Variants in DCLK1 observed in about 807,000 individuals in gnomAD.
DCLK1 encodes doublecortin like kinase 1.
In DCLK1, 16 loss-of-function variants were observed where a neutral mutation model predicts 86.2. The ratio of observed to expected loss-of-function variants is 0.19; its 90% CI spans 0.13 to 0.28. The LOEUF (loss-of-function observed/expected upper bound fraction) is 0.28, where lower values mean the gene tolerates loss of function less well. Ranked by LOEUF, DCLK1 falls within the 10% of genes least tolerant of loss-of-function variation. DCLK1 has a pLI of 1.00. For synonymous variants in DCLK1, 369 were observed against 370.5 expected, an observed-to-expected ratio of 1.00 and a Z score of 0.05; for missense variants, 590 against 940.2, an observed-to-expected ratio of 0.63 and a Z score of 4.87.
At chr13:36,117,218 T>A (rs752936946) in intron 2 of DCLK1, among the ~76,000 whole-genome samples, 2 of 152,190 alleles carry the variant, frequency 1.3e-5, no homozygotes, top group African/African-American at 2.4e-5. Flanking sequence ...GAGACTCTTT[T>A]ACTTATTTCT....
intron 4 of DCLK1, among the ~76,000 whole-genome samples, chr13:35,918,081 A>G (rs1042762775): frequency 6.6e-6 from 1 of 152,240 alleles, no homozygotes; most frequent in African/African-American, 2.4e-5. Context: ...CTTAACAGGC[A>G]TACTAAGATG....
At chr13:36,061,360 T>G (rs1002902141) in intron 3 of DCLK1, among the ~76,000 whole-genome samples, 4 of 152,142 alleles carry the variant, frequency 2.6e-5, no homozygotes, top group Non-Finnish European at 5.9e-5. Context: ...TAAGTAAAAA[T>G]AAAGTATCTA....
chr13:35,994,025 T>A (rs1221699788), intron 3 of DCLK1, among the ~76,000 whole-genome samples: 2 of 151,792 alleles, frequency 1.3e-5, no homozygotes, highest in East Asian at 3.9e-4. Flanking sequence ...TTCTCTCATC[T>A]GCAAAACATC....
chr13:35,879,396 G>C (rs1488574421), intron 4 of DCLK1, among the ~76,000 whole-genome samples: 1 of 152,186 alleles, frequency 6.6e-6, no homozygotes, highest in Non-Finnish European at 1.5e-5. Flanking sequence ...TTATGGCACT[G>C]GGATTTTCTG....
At chr13:35,932,329 T>C (rs1393671227) in intron 4 of DCLK1, among the ~76,000 whole-genome samples, 9 of 152,186 alleles carry the variant, frequency 5.9e-5, no homozygotes, top group Non-Finnish European at 2.9e-5. Context: ...CTTTCCTGGG[T>C]CACCAGCTTA....
At chr13:36,074,965 T>C (rs537438592) in intron 3 of DCLK1, among the ~76,000 whole-genome samples, 26 of 152,234 alleles carry the variant, frequency 1.7e-4, no homozygotes, top group Non-Finnish European at 3.7e-4. Context: ...AGAAGGTAAC[T>C]CTATTCTTAC....
At chr13:35,808,732 G>A (rs557155052) in intron 13 of DCLK1, among the ~76,000 whole-genome samples, 2 of 151,972 alleles carry the variant, frequency 1.3e-5, no homozygotes, top group East Asian at 3.9e-4. Flanking sequence ...GCAGTGAGCT[G>A]AGACTGTGCC....
chr13:35,952,449 C>T (rs1033540117), intron 3 of DCLK1, among the ~76,000 whole-genome samples: 17 of 152,290 alleles, frequency 1.1e-4, no homozygotes, highest in African/African-American at 3.9e-4. Flanking sequence ...TAGGCTTCCA[C>T]AGAATGATGC....
intron 4 of DCLK1, among the ~76,000 whole-genome samples, chr13:35,878,310 C>T (rs1396427711): frequency 6.6e-6 from 1 of 152,154 alleles, no homozygotes; most frequent in Non-Finnish European, 1.5e-5. Context: ...AAAGGATGGG[C>T]CTGCATCTAG....
At chr13:35,949,011 C>G (rs1165983842) in intron 3 of DCLK1, among the ~76,000 whole-genome samples, 1 of 152,064 alleles carries the variant, frequency 6.6e-6, no homozygotes, top group Non-Finnish European at 1.5e-5. Flanking sequence ...CAATCAACCC[C>G]CTATGGCCAT....
At chr13:35,788,297 G>A (rs770219405) in intron 16 of DCLK1, 2 of 1,613,578 alleles carry the variant, frequency 1.2e-6, no homozygotes, top group South Asian at 2.2e-5. Context: ...TGAGCAGAGA[G>A]AAATGGGGCA....
chr13:36,021,229 C>A (rs1881763152), intron 3 of DCLK1, among the ~76,000 whole-genome samples: 1 of 89,384 alleles, frequency 1.1e-5, no homozygotes, highest in Admixed American at 1.5e-4. Flanking sequence ...TCGGGATAGC[C>A]ACTATAAAAA....
At chr13:36,025,939 T>C (rs1339869517) in intron 3 of DCLK1, among the ~76,000 whole-genome samples, 1 of 152,126 alleles carries the variant, frequency 6.6e-6, no homozygotes, top group African/African-American at 2.4e-5. Context: ...CAGAGATAAT[T>C]AGGACTTGAT....
At chr13:35,799,347 G>C (rs1327294684) in intron 15 of DCLK1, among the ~76,000 whole-genome samples, 1 of 152,174 alleles carries the variant, frequency 6.6e-6, no homozygotes, top group Non-Finnish European at 1.5e-5. Context: ...TGCCTCCCGG[G>C]TTCAAGCGAT....
At chr13:36,098,309 A>G (rs916394901) in intron 3 of DCLK1, among the ~76,000 whole-genome samples, 20 of 152,212 alleles carry the variant, frequency 1.3e-4, no homozygotes, top group African/African-American at 4.1e-4. Flanking sequence ...CCAACTTTTG[A>G]TTCATTACAC....
intron 15 of DCLK1, among the ~76,000 whole-genome samples, chr13:35,793,705 T>G (rs1407067755): frequency 6.6e-6 from 1 of 151,846 alleles, no homozygotes; most frequent in East Asian, 1.9e-4. Flanking sequence ...CATCTGACCC[T>G]CAGAGATTTG....
chr13:36,062,909 A>T (rs1220763794), intron 3 of DCLK1, among the ~76,000 whole-genome samples: 2 of 152,218 alleles, frequency 1.3e-5, no homozygotes, highest in Admixed American at 1.3e-4. Flanking sequence ...ATCCTGACCC[A>T]AGTGTCATCT....
chr13:36,079,940 C>T (rs190192803), intron 3 of DCLK1, among the ~76,000 whole-genome samples: 4 of 152,278 alleles, frequency 2.6e-5, no homozygotes, highest in Admixed American at 2.0e-4. Context: ...TGGTGCAGCA[C>T]ATACATCACA....
intron 4 of DCLK1, among the ~76,000 whole-genome samples, chr13:35,936,255 C>T (rs993816587): frequency 6.6e-5 from 10 of 152,100 alleles, no homozygotes; most frequent in Admixed American, 6.5e-4. Context: ...GAAGATTATC[C>T]TTGCTTAGTG....
Sources: gnomAD v4.1 joint callset for allele counts (sites outside exome capture counted in the v4.1 genomes callset) on GRCh38, gnomAD v4.1.1 for gene constraint, MANE v1.5 for transcripts, NCBI Gene and HGNC (gene_info 2026-07-23, HGNC 2026-07-21) for gene names.